USP34: variants seen among roughly 807,000 people sequenced by gnomAD.
USP34 encodes the protein ubiquitin carboxyl-terminal hydrolase 34.
In USP34, 70 loss-of-function variants were observed where a neutral mutation model predicts 460.3. The ratio of observed to expected loss-of-function variants is 0.15; its 90% confidence interval spans 0.13 to 0.19. The LOEUF (loss-of-function observed/expected upper bound fraction) is 0.19. USP34 is among the 10% of genes least tolerant of loss of function. The pLI, the probability that USP34 is intolerant of heterozygous loss-of-function variation, is 1.00. For missense variants in USP34, 3,985 were observed against 4,236.2 expected (o/e 0.94, Z 1.65); for synonymous variants, 1,647 against 1,405.3 (o/e 1.17, Z -3.85).
At chr2:61,445,222 T>TA (rs57854651) in intron 1 of USP34, among the ~76,000 whole-genome samples, 21,012 of 40,654 alleles carry the variant, frequency 0.52, 6,945 homozygotes, top group Non-Finnish European at 0.59. Flanking sequence ...AGAACCACAC[T>TA]AAAAAAAAAA....
At chr2:61,325,276 T>TAAAAAA in intron 21 of USP34, 99 bp downstream of exon 21, 7 of 604,474 alleles carry the variant, frequency 1.2e-5, no homozygotes, top group East Asian at 7.4e-5. Flanking sequence ...TAAATTAAAC[T>TAAAAAA]AAAAAAAAAA....
At chr2:61,352,593 G>A (rs1477860567) in intron 10 of USP34, among the ~76,000 whole-genome samples, 1 of 150,860 alleles carries the variant, frequency 6.6e-6, no homozygotes, top group Non-Finnish European at 1.5e-5. Flanking sequence ...CTCGCAAAGT[G>A]CTGAAATTAC....
At chr2:61,197,949 C>G (rs1349667170) in intron 75 of USP34, among the ~76,000 whole-genome samples, 1 of 152,030 alleles carries the variant, frequency 6.6e-6, no homozygotes, top group Non-Finnish European at 1.5e-5. Context: ...TTAATAGAGA[C>G]AAAGTTTCAC....
At chr2:61,222,976 C>G (rs1490936599) in intron 64 of USP34, 84 bp downstream of exon 64, 24 of 1,232,808 alleles carry the variant, frequency 1.9e-5, no homozygotes, top group Non-Finnish European at 3.4e-6. Context: ...GGATTACAGG[C>G]ATGAGCCACC....
intron 1 of USP34, among the ~76,000 whole-genome samples, chr2:61,468,461 G>C (rs1223220326): frequency 1.3e-5 from 2 of 152,220 alleles, no homozygotes; most frequent in Non-Finnish European, 2.9e-5. Flanking sequence ...GGGATTACAG[G>C]CGTGAGCCAC....
chr2:61,238,591 C>T (rs1047582231), intron 53 of USP34, among the ~76,000 whole-genome samples: 2 of 152,094 alleles, frequency 1.3e-5, no homozygotes, highest in Non-Finnish European at 2.9e-5. Context: ...TTTAAATGTA[C>T]AAATCTAAAA....
chr2:61,348,951 A>G (rs1691854890), intron 13 of USP34, 65 bp from the exon 14 acceptor site: 1 of 1,503,520 alleles, frequency 6.7e-7, no homozygotes, highest in Middle Eastern at 1.8e-4. Context: ...ACAGAATGAC[A>G]TTATCATTTG....
At chr2:61,353,368 C>T (rs1232990749) in intron 10 of USP34, among the ~76,000 whole-genome samples, 1 of 151,658 alleles carries the variant, frequency 6.6e-6, no homozygotes, top group African/African-American at 2.4e-5. Flanking sequence ...TACCTGAAGT[C>T]CACCTGTTGC....
intron 1 of USP34, among the ~76,000 whole-genome samples, chr2:61,425,031 G>C (rs1170385210): frequency 6.6e-6 from 1 of 152,062 alleles, no homozygotes; most frequent in Non-Finnish European, 1.5e-5. Flanking sequence ...CGTTGGCCAG[G>C]CTGGTCTCAA....
chr2:61,468,790 T>C (rs1695860358), intron 1 of USP34, among the ~76,000 whole-genome samples: 4 of 152,194 alleles, frequency 2.6e-5, no homozygotes, highest in Admixed American at 2.6e-4. Flanking sequence ...TAACCAAAGT[T>C]CTAGGGGTTT....
At chr2:61,420,929 T>A in intron 1 of USP34, 96 bp from the exon 2 acceptor site, 1 of 763,230 alleles carries the variant, frequency 1.3e-6, no homozygotes, top group African/African-American at 1.8e-5. Flanking sequence ...AATGCAAACA[T>A]TTCAGATAAT....
intron 5 of USP34, among the ~76,000 whole-genome samples, chr2:61,388,560 T>C (rs930743824): frequency 1.3e-5 from 2 of 150,862 alleles, no homozygotes; most frequent in Non-Finnish European, 3.0e-5. Flanking sequence ...ATCGAGACCA[T>C]CCTAGCTAAC....
chr2:61,391,979 G>A (rs1007819349), intron 5 of USP34, among the ~76,000 whole-genome samples: 1 of 152,092 alleles, frequency 6.6e-6, no homozygotes, highest in Non-Finnish European at 1.5e-5. Context: ...AATTTAAATA[G>A]TATAATTTTG....
At position 61,295,039 on chromosome 2, in the gene USP34, G is replaced by C. The variant is rs750368123; in HGVS notation, c.4378-7C>G. 3.7e-6 allele frequency: 6 copies of C among 1,605,802 alleles called. No homozygotes were observed. In the Admixed American group the frequency reaches 5.2e-5, roughly 14 times the overall value. ...AAAGATCACTGTAACTTCCCTATGA[G>C]AAAGGCAAAAAAAGTAAGGCAGAAT... On this transcript the variant is annotated splice_polypyrimidine_tract_variant and splice_region_variant and intron_variant, in intron 31 of 79. Coordinates refer to ENST00000398571, the MANE Select transcript of USP34 (RefSeq NM_014709.4).
Position 61,265,543 on chromosome 2 carries a change from T to C in USP34, c.5632A>G (p.Lys1878Glu). Reference sequence around the variant, plus strand: ...TCTTCATGAGGCCAGTAATCCCATTTATAAGGTGCATGGGCTGCTGAAGAA... The same window carrying C: ...TCTTCATGAGGCCAGTAATCCCATTCATAAGGTGCATGGGCTGCTGAAGAA... ...AQHMQSHAPY[K>E]WDYWPHEDVR... Residue 1878 changes from lysine to glutamate, a missense_variant, in exon 43 of 80, where the codon AAA (lysine) becomes GAA (glutamate). Transcript: ENST00000398571. 1 of 1,609,786 alleles carries C rather than the reference T, an allele frequency of 6.2e-7. No homozygotes were observed. The highest frequency in any genetic ancestry group is 8.5e-7 in the Non-Finnish European group (1 of 1,176,776).
chr2:61,278,943 T>C (rs1689454845), intron 39 of USP34, among the ~76,000 whole-genome samples: 1 of 152,192 alleles, frequency 6.6e-6, no homozygotes. Context: ...AAAAAAACTT[T>C]ACTTCTCGTT....
At chr2:61,260,149 T>C (rs990411225) in intron 43 of USP34, among the ~76,000 whole-genome samples, 1 of 152,212 alleles carries the variant, frequency 6.6e-6, no homozygotes, top group African/African-American at 2.4e-5. Flanking sequence ...ATTTGAAATA[T>C]TAACCAATGA....
chr2:61,421,341 T>C (rs1041388906), intron 1 of USP34, among the ~76,000 whole-genome samples: 3 of 152,220 alleles, frequency 2.0e-5, no homozygotes, highest in Non-Finnish European at 2.9e-5. Flanking sequence ...CATACCTTCC[T>C]TGAAGTCACA....
At chr2:61,443,842 G>T (rs541044992) in intron 1 of USP34, among the ~76,000 whole-genome samples, 1 of 152,296 alleles carries the variant, frequency 6.6e-6, no homozygotes, top group African/African-American at 2.4e-5. Flanking sequence ...GATTCACCAA[G>T]TGTAACAAAT....
Sources: allele counts gnomAD v4.1 joint callset (sites outside exome capture counted in the v4.1 genomes callset), GRCh38; gene constraint gnomAD v4.1.1; transcripts MANE v1.5; gene names NCBI Gene and HGNC (gene_info 2026-07-23, HGNC 2026-07-21).